The following TRIM33 variants were observed in gnomAD, a reference collection of about 807,000 sequenced individuals.
TRIM33 encodes the protein tripartite motif containing 33, also known as E3 ubiquitin-protein ligase TRIM33.
TRIM33 carries 20 observed loss-of-function variants against 125.4 expected under a neutral mutation model. The ratio of observed to expected loss-of-function variants is 0.16; its 90% CI spans 0.11 to 0.23. The LOEUF is 0.23. TRIM33 is among the 10% of genes least tolerant of loss of function. TRIM33 has a pLI of 1.00. For missense variants in TRIM33, 920 were observed against 1,411.4 expected (o/e 0.65, Z 5.58); for synonymous variants, 564 against 513.9 (o/e 1.10, Z -1.32).
At chr1:114,490,545 A>G (rs1479664378) in intron 1 of TRIM33, among the ~76,000 whole-genome samples, 2 of 152,206 alleles carry the variant, frequency 1.3e-5, no homozygotes, top group Non-Finnish European at 2.9e-5. Context: ...GTATACACCC[A>G]AGAGAAATGA....
At chr1:114,465,913 C>T (rs1022210149) in intron 1 of TRIM33, among the ~76,000 whole-genome samples, 2 of 151,720 alleles carry the variant, frequency 1.3e-5, no homozygotes, top group African/African-American at 2.4e-5. Context: ...TGTGGTGGCA[C>T]GCGCCTGTAT....
chr1:114,415,644 G>C (rs917018777), intron 11 of TRIM33, among the ~76,000 whole-genome samples: 2 of 151,856 alleles, frequency 1.3e-5, no homozygotes, highest in African/African-American at 4.8e-5. Context: ...TCACTGTTTT[G>C]ACCCTGTTTA....
intron 4 of TRIM33, among the ~76,000 whole-genome samples, chr1:114,462,046 G>C (rs1170122035): frequency 6.6e-6 from 1 of 152,196 alleles, no homozygotes; most frequent in African/African-American, 2.4e-5. Flanking sequence ...TCTGGAGTCT[G>C]ACTACCTGTA....
chr1:114,425,510 G>C lies in TRIM33; in HGVS notation c.1634C>G (p.Thr545Ser). 6.2e-7 allele frequency: 1 copy of C among 1,614,168 alleles called. No individual in the cohort carries two copies. Among genetic ancestry groups the C allele is most frequent in the Middle Eastern group, 1.6e-4 (1 of 6,062 alleles). The change falls in exon 9 of 20, where the codon ACT (threonine) becomes AGT (serine). Residue 545 changes from threonine (T) to serine (S), a missense_variant. Coordinates refer to ENST00000358465, the MANE Select transcript of TRIM33 (RefSeq NM_015906.4). Reference sequence around the variant, plus strand: ...ATGCTGTTGTGTTGTTGTTGTTGTAGTTGGTACAGGTGCTGGTGGTTGCTG... The same window carrying C: ...ATGCTGTTGTGTTGTTGTTGTTGTACTTGGTACAGGTGCTGGTGGTTGCTG... ...RMQQPPAPVP[T>S]TTTTTQQHPR...
chr1:114,416,874 CT>C (rs1652971319), intron 11 of TRIM33, among the ~76,000 whole-genome samples: 1 of 152,166 alleles, frequency 6.6e-6, no homozygotes, highest in Non-Finnish European at 1.5e-5. Context: ...AATTAAACCT[CT>C]TTTCTTTATA....
chr1:114,506,641 G>A (rs946053512), intron 1 of TRIM33, among the ~76,000 whole-genome samples: 2 of 152,018 alleles, frequency 1.3e-5, no homozygotes, highest in Admixed American at 1.3e-4. Flanking sequence ...TAGCAAATCT[G>A]TATTTTTATT....
chr1:114,469,813 A>G (rs1284395764), intron 1 of TRIM33, among the ~76,000 whole-genome samples: 1 of 152,176 alleles, frequency 6.6e-6, no homozygotes, highest in East Asian at 1.9e-4. Context: ...AAAGAGACAA[A>G]ATGACCTGTC....
intron 7 of TRIM33, among the ~76,000 whole-genome samples, chr1:114,427,539 T>C (rs1007426871): frequency 6.6e-6 from 1 of 152,160 alleles, no homozygotes; most frequent in Non-Finnish European, 1.5e-5. Flanking sequence ...ATTCCACTTA[T>C]ATGAAATTCT....
chr1:114,410,013 C>A (rs1427363015), intron 12 of TRIM33, among the ~76,000 whole-genome samples, 171 bp downstream of exon 12: 1 of 152,162 alleles, frequency 6.6e-6, no homozygotes, highest in African/African-American at 2.4e-5. Flanking sequence ...TCCCTGCCAA[C>A]ACCCACAATC....
At chr1:114,480,021 G>A (rs940507751) in intron 1 of TRIM33, among the ~76,000 whole-genome samples, 6 of 152,198 alleles carry the variant, frequency 3.9e-5, no homozygotes, top group African/African-American at 7.2e-5. Flanking sequence ...TGATGATGGC[G>A]GTTTTGTGGA....
chr1:114,400,004 G>GA (rs999293812), intron 17 of TRIM33, among the ~76,000 whole-genome samples: 2 of 151,830 alleles, frequency 1.3e-5, no homozygotes, highest in African/African-American at 4.8e-5. Context: ...ATGTCTTTTG[G>GA]AAAACATAAC....
chr1:114,484,289 T>C (rs964019466), intron 1 of TRIM33, among the ~76,000 whole-genome samples: 1 of 152,190 alleles, frequency 6.6e-6, no homozygotes, highest in Non-Finnish European at 1.5e-5. Flanking sequence ...ACTCTAACCA[T>C]GCCCACGTTT....
rs1651607745 is a variant in TRIM33, at chr1:114,397,587, G to GTTTTTTTTTTTTTTT, written c.*60_*61insAAAAAAAAAAAAAAA. ...CACTTAAAAGTTTTCTGGGTTTTTT[G>GTTTTTTTTTTTTTTT]TGTTTTTTTTTTTTTTTTCGTTTTT... On this transcript the variant is annotated 3_prime_UTR_variant, in exon 20 of 20. Coordinates refer to ENST00000358465, the MANE Select transcript of TRIM33 (RefSeq NM_015906.4). 1.1e-6 allele frequency: 1 copy of GTTTTTTTTTTTTTTT among 948,920 alleles called. No homozygotes were observed. Among genetic ancestry groups the GTTTTTTTTTTTTTTT allele is most frequent in the Non-Finnish European group, 1.4e-6 (1 of 696,266 alleles). 58.8% of individuals were successfully genotyped at this position (948,920 alleles called of 1,614,324 possible). A position where few individuals can be genotyped will look rare whatever the true frequency, so the allele number is the denominator to read the frequency against.
chr1:114,480,993 G>A (rs1651295879), intron 1 of TRIM33, among the ~76,000 whole-genome samples: 1 of 152,046 alleles, frequency 6.6e-6, no homozygotes, highest in African/African-American at 2.4e-5. Context: ...CCAACATGGT[G>A]AAACCCTGTC....
At chr1:114,435,733 G>C (rs565976140) in intron 4 of TRIM33, among the ~76,000 whole-genome samples, 3 of 151,846 alleles carry the variant, frequency 2.0e-5, no homozygotes, top group African/African-American at 4.8e-5. Flanking sequence ...TTATCCGTCT[G>C]AACTTTTTTT....
Position 114,425,547 on chromosome 1 carries a change from G to T in TRIM33, c.1597C>A (p.Gln533Lys), listed in dbSNP as rs760216122. ...GCTGGTGGTTGCTGCATCCTCATCT[G>T]TTGCAACTGCTGATGTTTCTGTGCA... is the stretch of plus-strand genomic sequence containing the variant. ...VYAQKHQQLQQMRMQQPPAPV... is the reference protein window; with the variant it reads ...VYAQKHQQLQKMRMQQPPAPV... Residue 533 changes from glutamine (Q) to lysine (K), a missense_variant, in exon 9 of 20, where the codon CAG (glutamine) becomes AAG (lysine). Gln to Lys is a moderately conservative substitution (Grantham distance 53). This residue lies in a region of TRIM33 where 407 missense variants were observed against 589.7 expected (regional missense o/e 0.69). Transcript: ENST00000358465. 1.2e-6 allele frequency: 2 copies of T among 1,614,100 alleles called. No homozygotes were observed. The highest frequency in any genetic ancestry group is 2.2e-5 in the South Asian group (2 of 91,082).
intron 2 of TRIM33, 52 bp from the exon 3 acceptor site, chr1:114,463,608 TA>T (rs34437690): frequency 0.32 from 256,461 of 802,660 alleles, 9,118 homozygotes; most frequent in African/African-American, 0.4. Context: ...AATCTAGATC[TA>T]AAAAAAAAAA....
At chr1:114,501,648 G>C (rs144317029) in intron 1 of TRIM33, among the ~76,000 whole-genome samples, 114 of 152,284 alleles carry the variant, frequency 7.5e-4, no homozygotes, top group Admixed American at 1.6e-3. Flanking sequence ...TTAGAGGCTG[G>C]CTACCACACC....
chr1:114,487,747 A>G (rs1165528380), intron 1 of TRIM33, among the ~76,000 whole-genome samples: 2 of 150,598 alleles, frequency 1.3e-5, no homozygotes, highest in Non-Finnish European at 3.0e-5. Context: ...AATACAAAAA[A>G]TTAGCCGGGC....
Sources: gnomAD v4.1 joint callset for allele counts (sites outside exome capture counted in the v4.1 genomes callset) on GRCh38, gnomAD v4.1.1 for gene constraint, gnomAD v4.1.1 regional missense constraint, MANE v1.5 for transcripts, NCBI Gene and HGNC (gene_info 2026-07-23, HGNC 2026-07-21) for gene names.